Variants in CCNB1 observed in about 807,000 individuals in gnomAD.
CCNB1 encodes the protein cyclin B1, also known as G2/mitotic-specific cyclin-B1.
In CCNB1, 26 loss-of-function variants were observed where a neutral mutation model predicts 44.4. That is an observed-to-expected ratio of 0.59 (90% CI 0.43 to 0.81). The LOEUF is 0.81. Among genes scored for constraint, CCNB1 ranks in the 40% least tolerant of loss-of-function variants. The probability of loss-of-function intolerance (pLI) is 0.00; values close to 1 mark genes in which losing one functional copy is unlikely to be tolerated. For synonymous variants in CCNB1, 195 were observed against 181.4 expected, an observed-to-expected ratio of 1.08 and a Z score of -0.60; for missense variants, 477 against 520.9, an observed-to-expected ratio of 0.92 and a Z score of 0.82.
chr5:69,171,830 G>GC (rs1206241461), intron 4 of CCNB1, among the ~76,000 whole-genome samples: 3 of 152,198 alleles, frequency 2.0e-5, no homozygotes, highest in African/African-American at 7.2e-5. Context: ...AAAGACTACA[G>GC]CCACCCCTAA....
intron 3 of CCNB1, 70 bp downstream of exon 3, chr5:69,168,413 G>C (rs1561312356): frequency 5.8e-6 from 9 of 1,545,972 alleles, no homozygotes. Context: ...ATACATGCAA[G>C]AGCATTCAAA....
At position 69,176,451 on chromosome 5, in the gene CCNB1, G is replaced by T. The variant is rs1383833524; in HGVS notation, c.1084-788G>T. Among the ~76,000 whole-genome samples, 7 of 151,644 alleles carry T rather than the reference G, an allele frequency of 4.6e-5. No homozygotes were observed. The East Asian group carries it at 1.4e-3, about 30-fold the overall frequency. ...GGCTCACTGCAACCTCCGCCTCCTG[G>T]GTTCATGCCATTCTCCTGCCTCAGC... On this transcript the variant is annotated intron_variant, in intron 7 of 8. Coordinates refer to ENST00000256442, the MANE Select transcript of CCNB1 (RefSeq NM_031966.4).
At chr5:69,176,509 A>C (rs1027534083) in intron 7 of CCNB1, among the ~76,000 whole-genome samples, 2 of 149,296 alleles carry the variant, frequency 1.3e-5, no homozygotes, top group Admixed American at 6.7e-5. Flanking sequence ...GGTGCCTGCC[A>C]CCACGCCCGG....
At chr5:69,175,193 T>C (rs1401639133) in intron 6 of CCNB1, 80 bp downstream of exon 6, 1 of 1,130,800 alleles carries the variant, frequency 8.8e-7, no homozygotes, top group Admixed American at 1.8e-5. Context: ...TGAATTCAAC[T>C]GACCTGTATT....
intron 4 of CCNB1, among the ~76,000 whole-genome samples, chr5:69,173,498 A>C (rs1747508760): frequency 6.6e-6 from 1 of 152,208 alleles, no homozygotes; most frequent in African/African-American, 2.4e-5. Context: ...TTGTCCCCAC[A>C]GTTCTTAGCT....
At chr5:69,175,307 C>A in intron 6 of CCNB1, 90 bp from the exon 7 acceptor site, 1 of 1,238,714 alleles carries the variant, frequency 8.1e-7, no homozygotes, top group Non-Finnish European at 1.1e-6. Context: ...TGTAGACAAA[C>A]ATTTGTAGTT....
chr5:69,167,731 C>G (rs1036613220), intron 1 of CCNB1, among the ~76,000 whole-genome samples, 177 bp from the exon 2 acceptor site: 10 of 152,038 alleles, frequency 6.6e-5, no homozygotes, highest in African/African-American at 2.4e-4. Flanking sequence ...ATGTAGAGGT[C>G]GGCGGAAACT....
rs762887344 is a variant in CCNB1 at position 69,171,469 on chromosome 5, G to GT, written c.546+25dup. Reference sequence around the variant, plus strand: ...CAACTTGAGGTAAGTATTATCATTCGTTTTTTTTCTAAACTGCATCTAACT... The same window carrying GT: ...CAACTTGAGGTAAGTATTATCATTCGTTTTTTTTTCTAAACTGCATCTAACT... On this transcript the variant is annotated intron_variant, in intron 4 of 8. Coordinates refer to ENST00000256442, the MANE Select transcript of CCNB1 (RefSeq NM_031966.4). 98 of 1,544,052 alleles carry GT rather than the reference G, an allele frequency of 6.3e-5. No homozygotes were observed. Among genetic ancestry groups the GT allele is most frequent in the East Asian group, 2.1e-4 (9 of 43,878 alleles).
rs201317423 is a variant in CCNB1 at position 69,175,140 on chromosome 5, G to A, written c.942+27G>A. On this transcript the variant is annotated intron_variant, in intron 6 of 8. Transcript: ENST00000256442. The stretch of plus-strand genomic sequence containing the variant: ...TACAGGTTTCTTGAGAAACCTCTCC[G>A]TATGGGTACATTAGGGGGAACACTG... 2.3e-5 allele frequency: 35 copies of A among 1,495,466 alleles called. No individual in the cohort carries two copies. The African/African-American group carries it at 2.5e-4, about 11-fold the overall frequency. 92.6% of individuals were successfully genotyped at this position (1,495,466 alleles called of 1,614,324 possible). A position where few individuals can be genotyped will look rare whatever the true frequency, so the allele number is the denominator to read the frequency against.
rs1747551405 is a variant in CCNB1 at position 69,175,007 on chromosome 5, A to C, written c.836A>C (p.Lys279Thr). 1 of 1,614,084 alleles carries C rather than the reference A, an allele frequency of 6.2e-7. No individual in the cohort carries two copies. Among genetic ancestry groups the C allele is most frequent in the Admixed American group, 1.7e-5 (1 of 60,000 alleles). ...FAFVTDNTYT[K>T]HQIRQMEMKI... ...TTTGTGACTGACAACACTTATACTA[A>C]GCACCAAATCAGACAGATGGAAATG... Residue 279 changes from lysine (K) to threonine (T), a missense_variant, in exon 6 of 9, where the codon AAG becomes ACG. By Grantham distance (78) the Lys-to-Thr change is moderately conservative. Coordinates refer to ENST00000256442, the MANE Select transcript of CCNB1 (RefSeq NM_031966.4).
intron 8 of CCNB1, 26 bp downstream of exon 8, chr5:69,177,375 G>A (rs374316907): frequency 3.2e-5 from 47 of 1,465,466 alleles, no homozygotes; most frequent in African/African-American, 3.2e-4. Context: ...GGCATTGTAA[G>A]ATGCTGAAAA....
intron 1 of CCNB1, chr5:69,167,634 TG>T: frequency 2.0e-6 from 1 of 510,002 alleles, no homozygotes; most frequent in South Asian, 2.7e-5. Flanking sequence ...TGTCTGCAAT[TG>T]GAGGCTTTTT....
At chr5:69,167,409 G>A (rs772265487) in intron 1 of CCNB1, 126 bp downstream of exon 1, 17 of 1,087,026 alleles carry the variant, frequency 1.6e-5, no homozygotes, top group Admixed American at 3.8e-5. Flanking sequence ...AAGGTGGGAG[G>A]GGACTCACCA....
intron 1 of CCNB1, 91 bp downstream of exon 1, chr5:69,167,374 G>A (rs1445749867): frequency 6.8e-7 from 1 of 1,479,882 alleles, no homozygotes; most frequent in Non-Finnish European, 9.3e-7. Flanking sequence ...GAGCGGGAGA[G>A]GGCCGCAGGA....
chr5:69,175,288 T>C (rs937748809), intron 6 of CCNB1, 109 bp from the exon 7 acceptor site: 2 of 1,131,700 alleles, frequency 1.8e-6, no homozygotes, highest in Non-Finnish European at 2.5e-6. Context: ...CCATGGGCAT[T>C]TGAGAGTTTG....
intron 7 of CCNB1, among the ~76,000 whole-genome samples, chr5:69,176,225 C>T (rs549762804): frequency 6.6e-6 from 1 of 151,294 alleles, no homozygotes; most frequent in Non-Finnish European, 1.5e-5. Context: ...CAACTTTATT[C>T]CCTTTGAGAA....
At position 69,167,225 on chromosome 5, in the gene CCNB1, T is replaced by C. The variant is rs749440794; in HGVS notation, c.-38T>C. ...GCTGGTCGGGCCTCCGGTGTTCTGC[T>C]TCTCCCCGCTGAGCTGCTGCCTGGT... On this transcript the variant is annotated 5_prime_UTR_variant, in exon 1 of 9. Coordinates refer to ENST00000256442, the MANE Select transcript of CCNB1 (RefSeq NM_031966.4). 3 of 1,543,600 alleles carry C rather than the reference T, an allele frequency of 1.9e-6. No homozygotes were observed. Among genetic ancestry groups the C allele is most frequent in the Non-Finnish European group, 2.6e-6 (3 of 1,144,578 alleles).
rs751893074 is a variant in CCNB1 at position 69,174,264 on chromosome 5, T to C, written c.560T>C (p.Val187Ala). ...YLRQLEEEQA[V>A]RPKYLLGREV... The stretch of plus-strand genomic sequence containing the variant: ...TTTCTTTTGCAGGAAGAGCAAGCAG[T>C]CAGACCAAAATACCTACTGGGTCGG... The change falls in exon 5 of 9, where the codon GTC becomes GCC. Residue 187 changes from valine (V) to alanine (A), a missense_variant. Transcript: ENST00000256442. The C allele has an allele frequency of 2.5e-5, 41 of 1,613,862 alleles. No homozygotes were observed. Among genetic ancestry groups the C allele is most frequent in the Non-Finnish European group, 3.4e-5 (40 of 1,179,998 alleles).
intron 4 of CCNB1, among the ~76,000 whole-genome samples, chr5:69,171,943 T>A (rs868341839): frequency 3.7e-4 from 56 of 152,356 alleles, no homozygotes; most frequent in African/African-American, 1.3e-3. Flanking sequence ...TTGGTTCACT[T>A]CAATTTGATC....
Sources: gnomAD v4.1 joint callset for allele counts (sites outside exome capture counted in the v4.1 genomes callset) on GRCh38, gnomAD v4.1.1 for gene constraint, MANE v1.5 for transcripts, NCBI Gene and HGNC (gene_info 2026-07-23, HGNC 2026-07-21) for gene names.